The following THSD7B variants were observed in gnomAD, a reference collection of about 807,000 sequenced individuals.
The protein encoded by THSD7B is thrombospondin type 1 domain containing 7B.
THSD7B carries 138 observed loss-of-function variants against 213.6 expected under a neutral mutation model. The ratio of observed to expected loss-of-function variants is 0.65; its 90% CI spans 0.56 to 0.74. THSD7B has a LOEUF of 0.74. Among genes scored for constraint, THSD7B ranks in the 30% least tolerant of loss-of-function variants. The pLI, the probability that THSD7B is intolerant of heterozygous loss-of-function variation, is 0.00. For missense variants in THSD7B, 1,931 were observed against 1,991.5 expected, an observed-to-expected ratio of 0.97 and a Z score of 0.58; for synonymous variants, 742 against 687.0, an observed-to-expected ratio of 1.08 and a Z score of -1.25.
At position 136,869,811 on chromosome 2, in the gene THSD7B, C is replaced by T. The variant is rs547157610; in HGVS notation, c.-35-12333C>T. On this transcript the variant is annotated intron_variant, in intron 1 of 27. Coordinates refer to ENST00000409968, the MANE Select transcript of THSD7B (RefSeq NM_001316349.2). ...GTCAGCGGCTGGGCACGGTGGCTCA[C>T]GCCTGTAATCCCAGCACTTTGGGAG... 4.2e-3 allele frequency among the ~76,000 whole-genome samples: 643 copies of T among 152,252 alleles called. 2 individuals carry two copies. The highest frequency in any genetic ancestry group is 0.01 in the Middle Eastern group (3 of 294).
intron 15 of THSD7B, among the ~76,000 whole-genome samples, chr2:137,521,330 G>A (rs951980850): frequency 2.6e-5 from 4 of 152,058 alleles, no homozygotes; most frequent in African/African-American, 7.2e-5. Context: ...GTAGTGGGGA[G>A]GGGGGGCTGT....
chr2:137,402,187 GATGAAA>G, intron 12 of THSD7B, among the ~76,000 whole-genome samples: 1 of 152,276 alleles, frequency 6.6e-6, no homozygotes, highest in East Asian at 1.9e-4. Flanking sequence ...TCATTTTAAA[GATGAAA>G]ATACTAGGGC....
chr2:137,477,032 G>C (rs955706783), intron 15 of THSD7B, among the ~76,000 whole-genome samples: 6 of 152,116 alleles, frequency 3.9e-5, no homozygotes, highest in African/African-American at 1.4e-4. Context: ...AGGTCTATTT[G>C]TTTCTAAAGT....
intron 15 of THSD7B, among the ~76,000 whole-genome samples, chr2:137,520,432 C>T (rs2105165601): frequency 6.6e-6 from 1 of 152,246 alleles, no homozygotes; most frequent in East Asian, 1.9e-4. Context: ...GTATTTAAAG[C>T]ACCTGCATTT....
rs1165956431 is a variant in THSD7B at position 137,661,021 on chromosome 2, G to A, written c.4458+1275G>A. ...ACCTAAATAAAGTTAACTGGTTGAT[G>A]AGGATTGGCATGAGTAGCTATGTGA... is the stretch of plus-strand genomic sequence containing the variant. On this transcript the variant is annotated intron_variant, in intron 25 of 27. Coordinates refer to ENST00000409968, the MANE Select transcript of THSD7B (RefSeq NM_001316349.2). Among the ~76,000 whole-genome samples, 3 of 152,266 alleles carry A rather than the reference G, an allele frequency of 2.0e-5. No individual in the cohort carries two copies. The South Asian group carries it at 6.2e-4, about 32-fold the overall frequency.
chr2:137,212,386 A>G (rs909626892), intron 7 of THSD7B, among the ~76,000 whole-genome samples: 5 of 152,054 alleles, frequency 3.3e-5, no homozygotes, highest in African/African-American at 1.2e-4. Flanking sequence ...AATTATGAAA[A>G]GCCTTCATCA....
chr2:137,096,403 T>C (rs1425633072), intron 4 of THSD7B, among the ~76,000 whole-genome samples: 1 of 152,182 alleles, frequency 6.6e-6, no homozygotes, highest in Non-Finnish European at 1.5e-5. Flanking sequence ...AGGTGTGCAT[T>C]AGAAAGGCAG....
intron 7 of THSD7B, among the ~76,000 whole-genome samples, chr2:137,197,848 A>G (rs947567209): frequency 2.0e-5 from 3 of 152,194 alleles, no homozygotes; most frequent in Non-Finnish European, 4.4e-5. Context: ...TGCCCATTGT[A>G]CTAAATGAGA....
At chr2:137,242,685 A>G (rs1414432279) in intron 10 of THSD7B, 113 bp downstream of exon 10, 2 of 699,336 alleles carry the variant, frequency 2.9e-6, no homozygotes, top group African/African-American at 1.8e-5. Context: ...TCATTTGCCT[A>G]TCACCCTGGA....
chr2:136,861,047 A>G (rs1321060373), intron 1 of THSD7B, among the ~76,000 whole-genome samples: 1 of 152,252 alleles, frequency 6.6e-6, no homozygotes, highest in Non-Finnish European at 1.5e-5. Flanking sequence ...TTCTTAGCAC[A>G]AGGACAGTAC....
chr2:137,414,395 AGT>A (rs147890074), intron 14 of THSD7B, among the ~76,000 whole-genome samples: 2 of 151,654 alleles, frequency 1.3e-5, no homozygotes, highest in African/African-American at 2.4e-5. Context: ...ATAAAGACTT[AGT>A]GTGTGTGTGT....
chr2:137,188,755 T>C (rs973152069), intron 7 of THSD7B, among the ~76,000 whole-genome samples: 1 of 152,214 alleles, frequency 6.6e-6, no homozygotes, highest in Non-Finnish European at 1.5e-5. Context: ...TGTTCTGCAG[T>C]CCTTAGGAGC....
chr2:137,435,203 A>T (rs1207270162), intron 14 of THSD7B, among the ~76,000 whole-genome samples: 1 of 152,162 alleles, frequency 6.6e-6, no homozygotes, highest in Non-Finnish European at 1.5e-5. Context: ...TAACTTCATA[A>T]GTTTTGGCAT....
At chr2:137,017,113 G>C (rs1177195195) in intron 2 of THSD7B, among the ~76,000 whole-genome samples, 1 of 152,140 alleles carries the variant, frequency 6.6e-6, no homozygotes, top group Non-Finnish European at 1.5e-5. Context: ...GCCCTCAAAT[G>C]AGTTGCAAAC....
At position 137,051,447 on chromosome 2, in the gene THSD7B, C is replaced by T. The variant is rs187606603; in HGVS notation, c.140-4973C>T. Among the ~76,000 whole-genome samples, 197 of 152,162 alleles carry T rather than the reference C, an allele frequency of 1.3e-3. 1 individual carries two copies. The highest frequency in any genetic ancestry group is 4.6e-3 in the African/African-American group (190 of 41,512). On this transcript the variant is annotated intron_variant, in intron 2 of 27. Transcript: ENST00000409968. The stretch of plus-strand genomic sequence containing the variant: ...AAGAGAGGTGTTATTTTAATTATTC[C>T]GTAGTTGATGCGGTAGCTTTTTGAG...
At chr2:136,911,250 G>A (rs1211146742) in intron 2 of THSD7B, among the ~76,000 whole-genome samples, 2 of 152,116 alleles carry the variant, frequency 1.3e-5, no homozygotes, top group East Asian at 3.8e-4. Context: ...GAGAACATTT[G>A]GAGTGATGAT....
At chr2:136,999,266 C>A (rs774784398) in intron 2 of THSD7B, among the ~76,000 whole-genome samples, 1 of 152,102 alleles carries the variant, frequency 6.6e-6, no homozygotes, top group Non-Finnish European at 1.5e-5. Context: ...GAAAGCCATA[C>A]AGCTACCCCT....
intron 12 of THSD7B, among the ~76,000 whole-genome samples, chr2:137,389,226 AAT>A (rs201188768): frequency 6.2e-5 from 8 of 129,692 alleles, no homozygotes; most frequent in Admixed American, 2.3e-4. Context: ...ATGACAAAAT[AAT>A]ATATATATAT....
chr2:136,984,394 C>A (rs994273311), intron 2 of THSD7B, among the ~76,000 whole-genome samples: 3 of 152,154 alleles, frequency 2.0e-5, no homozygotes, highest in African/African-American at 7.2e-5. Context: ...AGTTCTCGCT[C>A]AGTTATTTTG....
Sources: gnomAD v4.1 joint callset for allele counts (sites outside exome capture counted in the v4.1 genomes callset) on GRCh38, gnomAD v4.1.1 for gene constraint, MANE v1.5 for transcripts, NCBI Gene and HGNC (gene_info 2026-07-23, HGNC 2026-07-21) for gene names.